Variants in CALCRL observed in about 807,000 individuals in gnomAD.
CALCRL encodes calcitonin gene-related peptide type 1 receptor.
A neutral mutation model predicts 60.4 loss-of-function variants in CALCRL; 27 were observed. That is an observed-to-expected ratio of 0.45 (90% CI 0.33 to 0.62). The LOEUF (loss-of-function observed/expected upper bound fraction) is 0.62. CALCRL is among the 20% of genes least tolerant of loss of function. The pLI, the probability that CALCRL is intolerant of heterozygous loss-of-function variation, is 0.03. For synonymous variants in CALCRL, 190 were observed against 182.6 expected (o/e 1.04, Z -0.33); for missense variants, 424 against 540.7 (o/e 0.78, Z 2.14).
intron 1 of CALCRL, among the ~76,000 whole-genome samples, chr2:187,392,957 T>G (rs565525131): frequency 5.9e-5 from 9 of 152,132 alleles, no homozygotes; most frequent in Non-Finnish European, 1.5e-5. Context: ...TTTTAATATA[T>G]AAAGCAGTTA....
chr2:187,405,960 GGTGTGTGTGTGT>G (rs3079520), intron 1 of CALCRL, among the ~76,000 whole-genome samples: 5 of 146,610 alleles, frequency 3.4e-5, no homozygotes, highest in Admixed American at 6.8e-5. Context: ...TGTATGTAGG[GGTGTGTGTGTGT>G]GTGTGTGTGT....
chr2:187,344,309 C>A lies in CALCRL; in HGVS notation c.*1875G>T, dbSNP rs1371341728. The A allele has an allele frequency of 6.6e-6, 1 of 151,642 alleles. No homozygotes were observed. The highest frequency in any genetic ancestry group is 1.9e-4 in the East Asian group (1 of 5,176). 9.4% of individuals were successfully genotyped at this position (151,642 alleles called of 1,614,324 possible). On this transcript the variant is annotated 3_prime_UTR_variant, in exon 15 of 15. Coordinates refer to ENST00000392370, the MANE Select transcript of CALCRL (RefSeq NM_005795.6). ...GACCAGACCATTCTATATGTTAATT[C>A]TTACGAATTTAGATAATTTGTCTTA...
chr2:187,404,105 G>T (rs1689013060), intron 1 of CALCRL, among the ~76,000 whole-genome samples: 1 of 151,542 alleles, frequency 6.6e-6, no homozygotes, highest in African/African-American at 2.4e-5. Flanking sequence ...CTGCTAAATT[G>T]TTGTGCCAAG....
intron 4 of CALCRL, 45 bp downstream of exon 4, chr2:187,385,500 A>G (rs748151945): frequency 5.3e-6 from 5 of 951,104 alleles, no homozygotes; most frequent in Admixed American, 2.2e-5. Context: ...TTATAGGTAT[A>G]CTGGAAGCAA....
intron 8 of CALCRL, among the ~76,000 whole-genome samples, chr2:187,368,377 A>G (rs549334044): frequency 6.6e-6 from 1 of 152,220 alleles, no homozygotes; most frequent in East Asian, 1.9e-4. Flanking sequence ...GTTTTAAGTA[A>G]CTCAATCAAA....
chr2:187,347,362 C>T (rs1686327149), intron 14 of CALCRL, among the ~76,000 whole-genome samples: 1 of 151,748 alleles, frequency 6.6e-6, no homozygotes, highest in Non-Finnish European at 1.5e-5. Context: ...TATATCTGCC[C>T]AGAGTGGGTT....
intron 1 of CALCRL, among the ~76,000 whole-genome samples, chr2:187,403,904 G>C (rs1689003248): frequency 1.3e-5 from 2 of 151,874 alleles, no homozygotes. Flanking sequence ...GCACAGGAAG[G>C]AGATCCTTGC....
intron 1 of CALCRL, among the ~76,000 whole-genome samples, chr2:187,445,420 G>T (rs1691130929): frequency 6.6e-6 from 1 of 151,520 alleles, no homozygotes; most frequent in Non-Finnish European, 1.5e-5. Context: ...CATATATAGA[G>T]TATGAAATAA....
At chr2:187,358,772 C>T (rs1211432417) in intron 12 of CALCRL, among the ~76,000 whole-genome samples, 1 of 152,122 alleles carries the variant, frequency 6.6e-6, no homozygotes, top group Non-Finnish European at 1.5e-5. Context: ...CTGGGTGACT[C>T]CTCCCAATGC....
At chr2:187,406,798 T>C (rs1233138446) in intron 1 of CALCRL, among the ~76,000 whole-genome samples, 1 of 151,994 alleles carries the variant, frequency 6.6e-6, no homozygotes, top group East Asian at 1.9e-4. Flanking sequence ...CCTACTAGAA[T>C]AGGAGTGATG....
At chr2:187,440,333 C>A (rs1283823043) in intron 1 of CALCRL, among the ~76,000 whole-genome samples, 1 of 152,170 alleles carries the variant, frequency 6.6e-6, no homozygotes, top group Non-Finnish European at 1.5e-5. Context: ...GAAGTCTAAA[C>A]TATTTTGAGT....
chr2:187,344,399 T>C lies in CALCRL; in HGVS notation c.*1785A>G, dbSNP rs1000825606. ...TATTGACAGCTTAAGAAACAACTTA[T>C]GATGAGTAATTTGTTTCATCCATTT... On this transcript the variant is annotated 3_prime_UTR_variant, in exon 15 of 15. Coordinates refer to ENST00000392370, the MANE Select transcript of CALCRL (RefSeq NM_005795.6). 1 of 151,654 alleles carries C rather than the reference T, an allele frequency of 6.6e-6. No individual in the cohort carries two copies. The highest frequency in any genetic ancestry group is 2.4e-5 in the African/African-American group (1 of 41,406). The allele number at this position is 151,654 out of a possible 1,614,324, so 9.4% of individuals were successfully genotyped here.
intron 1 of CALCRL, among the ~76,000 whole-genome samples, chr2:187,433,339 T>C (rs901607902): frequency 1.3e-5 from 2 of 152,098 alleles, no homozygotes; most frequent in Non-Finnish European, 2.9e-5. Flanking sequence ...GTTTGGGACA[T>C]GTAAATGGTC....
At chr2:187,405,947 G>A (rs577983569) in intron 1 of CALCRL, among the ~76,000 whole-genome samples, 1 of 132,290 alleles carries the variant, frequency 7.6e-6, no homozygotes, top group South Asian at 2.7e-4. Flanking sequence ...TACCTGTGTT[G>A]TCTGTATGTA....
intron 9 of CALCRL, among the ~76,000 whole-genome samples, chr2:187,362,309 G>A (rs1687088944): frequency 6.6e-6 from 1 of 151,958 alleles, no homozygotes; most frequent in Admixed American, 6.6e-5. Flanking sequence ...ACTCTAAAAT[G>A]GCAGGACATT....
At chr2:187,404,834 T>C (rs1689046562) in intron 1 of CALCRL, among the ~76,000 whole-genome samples, 1 of 151,936 alleles carries the variant, frequency 6.6e-6, no homozygotes, top group Non-Finnish European at 1.5e-5. Context: ...CTGAATAGTA[T>C]GCTGCTTTAG....
chr2:187,419,280 G>A (rs1176849556), intron 1 of CALCRL, among the ~76,000 whole-genome samples: 2 of 152,094 alleles, frequency 1.3e-5, no homozygotes, highest in Non-Finnish European at 2.9e-5. Context: ...TACGGTTAAT[G>A]AAGTAATAAA....
At chr2:187,438,779 A>T (rs1690764103) in intron 1 of CALCRL, among the ~76,000 whole-genome samples, 1 of 152,226 alleles carries the variant, frequency 6.6e-6, no homozygotes, top group African/African-American at 2.4e-5. Context: ...GGAATTTAGT[A>T]AAATCTGAAC....
chr2:187,404,850 A>C (rs1689047277), intron 1 of CALCRL, among the ~76,000 whole-genome samples: 1 of 151,962 alleles, frequency 6.6e-6, no homozygotes, highest in African/African-American at 2.4e-5. Context: ...TTTAGACAGC[A>C]GATAACAACA....
Sources: gnomAD v4.1 joint callset for allele counts (sites outside exome capture counted in the v4.1 genomes callset) on GRCh38, gnomAD v4.1.1 for gene constraint, MANE v1.5 for transcripts, NCBI Gene and HGNC (gene_info 2026-07-23, HGNC 2026-07-21) for gene names.